GPRIN3: variants seen among roughly 807,000 people sequenced by gnomAD.
The protein encoded by GPRIN3 is G protein-regulated inducer of neurite outgrowth 3.
Under a neutral mutation model 13.7 loss-of-function variants are expected in GPRIN3, and 12 were observed. The ratio of observed to expected loss-of-function variants is 0.87; its 90% CI spans 0.56 to 1.42. The LOEUF is 1.42. Ranked by LOEUF, GPRIN3 falls within the 40% of genes most tolerant of loss-of-function variation. The pLI is 0.00. For missense variants in GPRIN3, 1,009 were observed against 958.7 expected (o/e 1.05, Z -0.69); for synonymous variants, 377 against 372.7 (o/e 1.01, Z -0.13).
At chr4:89,297,880 G>T (rs1043186114) in intron 1 of GPRIN3, among the ~76,000 whole-genome samples, 2 of 152,014 alleles carry the variant, frequency 1.3e-5, no homozygotes, top group Non-Finnish European at 2.9e-5. Flanking sequence ...CTAAAACAGC[G>T]GCCCTTAAGC....
intron 1 of GPRIN3, among the ~76,000 whole-genome samples, chr4:89,259,869 C>T (rs1019715730): frequency 1.3e-5 from 2 of 152,234 alleles, no homozygotes; most frequent in Non-Finnish European, 2.9e-5. Context: ...TTTTAGCTCA[C>T]ATCAGACACC....
intron 1 of GPRIN3, among the ~76,000 whole-genome samples, chr4:89,288,455 TA>T (rs1461702103): frequency 6.6e-6 from 1 of 152,234 alleles, no homozygotes; most frequent in East Asian, 1.9e-4. Context: ...TAAGTTTGCA[TA>T]AATGCAAACT....
At chr4:89,254,128 G>GTGTGTGTGTGTGT (rs1723403981) in intron 1 of GPRIN3, among the ~76,000 whole-genome samples, 3 of 147,750 alleles carry the variant, frequency 2.0e-5, no homozygotes, top group Non-Finnish European at 3.0e-5. Flanking sequence ...GTTGCATCTG[G>GTGTGTGTGTGTGT]GTGTGTGTGT....
In GPRIN3 at chr4:89,247,587, T is replaced by C. The variant is rs2149251771; in HGVS notation, c.*193A>G. On this transcript the variant is annotated 3_prime_UTR_variant, in exon 2 of 2. Transcript: ENST00000609438. ...CTTGTTTCTCTTTTCTTGTTCCTTC[T>C]TTCAAATTGAAATGACATTTTTGTT... 1.9e-6 allele frequency: 1 copy of C among 518,666 alleles called. No homozygotes were observed. Among genetic ancestry groups the C allele is most frequent in the East Asian group, 3.1e-5 (1 of 32,040 alleles). The allele number at this position is 518,666 out of a possible 1,614,324, so 32.1% of individuals were successfully genotyped here.
At chr4:89,285,323 T>C (rs567998148) in intron 1 of GPRIN3, among the ~76,000 whole-genome samples, 10 of 151,518 alleles carry the variant, frequency 6.6e-5, no homozygotes, top group Non-Finnish European at 1.5e-5. Context: ...GTTGTGCACA[T>C]GTACCCTAGA....
chr4:89,306,689 T>G (rs912487032), intron 1 of GPRIN3, among the ~76,000 whole-genome samples: 6 of 152,120 alleles, frequency 3.9e-5, no homozygotes, highest in African/African-American at 1.4e-4. Context: ...AGCCCTTGCC[T>G]TTTGCCCACC....
chr4:89,275,697 A>T (rs1417031879), intron 1 of GPRIN3, among the ~76,000 whole-genome samples: 2 of 152,194 alleles, frequency 1.3e-5, no homozygotes, highest in Non-Finnish European at 2.9e-5. Context: ...GCTGCCCAAG[A>T]AATGGTTGTG....
Position 89,248,209 on chromosome 4 carries a change from C to A in GPRIN3, c.1902G>T (p.Arg634Ser). 6.2e-7 allele frequency: 1 copy of A among 1,614,156 alleles called. No homozygotes were observed. The highest frequency in any genetic ancestry group is 1.1e-5 in the South Asian group (1 of 91,082). Residue 634 changes from arginine (R) to serine (S), a missense_variant, in exon 2 of 2, where the codon AGG becomes AGT. Arg to Ser is a moderately radical substitution (Grantham distance 110). Transcript: ENST00000609438. ...TGAGGAACTCGCTGACGCGGCTGGG[C>A]CTGCGTGGGCTGGCTTTGACGGAGC... ...PSRSVKASPR[R>S]PSRVSEFLKE...
intron 1 of GPRIN3, among the ~76,000 whole-genome samples, chr4:89,302,105 G>A (rs1347988757): frequency 6.6e-6 from 1 of 152,168 alleles, no homozygotes; most frequent in African/African-American, 2.4e-5. Flanking sequence ...TTTCTGCTAC[G>A]CTAGACCCTT....
In GPRIN3 at chr4:89,247,664, A is replaced by C; in HGVS notation, c.*116T>G. 3 of 1,016,406 alleles carry C rather than the reference A, an allele frequency of 3.0e-6. No individual in the cohort carries two copies. The highest frequency in any genetic ancestry group is 4.4e-6 in the Non-Finnish European group (3 of 689,432). 63.0% of individuals were successfully genotyped at this position (1,016,406 alleles called of 1,614,324 possible). A position where few individuals can be genotyped will look rare whatever the true frequency, so the allele number is the denominator to read the frequency against. On this transcript the variant is annotated 3_prime_UTR_variant, in exon 2 of 2. Coordinates refer to ENST00000609438, the MANE Select transcript of GPRIN3 (RefSeq NM_198281.3). ...ACAATTTTTAATAGCAATTTCCTAT[A>C]GTGAATACTTGCTTTTTCTTCCTAG...
rs1022482939 is a variant in GPRIN3 at position 89,307,777 on chromosome 4, G to C, written c.-286C>G. The C allele has an allele frequency of 2.0e-5, 3 of 152,290 alleles. No individual in the cohort carries two copies. Among genetic ancestry groups the C allele is most frequent in the African/African-American group, 7.2e-5 (3 of 41,444 alleles). The allele number at this position is 152,290 out of a possible 1,614,324, so 9.4% of individuals were successfully genotyped here. ...CCCGGTCCCGGAGCGAGCTCCGTGCGTTCAGGAACTGAAATTACTATGCCA... is the reference window on the plus strand; with the variant it reads ...CCCGGTCCCGGAGCGAGCTCCGTGCCTTCAGGAACTGAAATTACTATGCCA... On this transcript the variant is annotated 5_prime_UTR_variant, in exon 1 of 2. Coordinates refer to ENST00000609438, the MANE Select transcript of GPRIN3 (RefSeq NM_198281.3).
intron 1 of GPRIN3, among the ~76,000 whole-genome samples, chr4:89,307,295 A>ACC (rs1725059914): frequency 6.6e-6 from 1 of 150,436 alleles, no homozygotes; most frequent in South Asian, 2.1e-4. Flanking sequence ...ACACACACAC[A>ACC]CACCCCTCAT....
Position 89,250,176 on chromosome 4 carries a change from G to A in GPRIN3, c.-66C>T. On this transcript the variant is annotated 5_prime_UTR_variant, in exon 2 of 2. Transcript: ENST00000609438. ...CTGGTCCCACTGGTGGGGGAGGGGA[G>A]CGCAGTCAGAGCTCAGAGTGATGAC... is the stretch of plus-strand genomic sequence containing the variant. 11 of 1,539,688 alleles carry A rather than the reference G, an allele frequency of 7.1e-6. No individual in the cohort carries two copies. The highest frequency in any genetic ancestry group is 9.6e-6 in the Non-Finnish European group (11 of 1,143,546).
At position 89,238,180 on chromosome 4, in the gene GPRIN3, C is replaced by T. The variant is rs550020978; in HGVS notation, c.*9600G>A. The T allele has an allele frequency of 6.6e-6, 1 of 152,204 alleles. No homozygotes were observed. Among genetic ancestry groups the T allele is most frequent in the South Asian group, 2.1e-4 (1 of 4,820 alleles). The allele number at this position is 152,204 out of a possible 1,614,324, so 9.4% of individuals were successfully genotyped here. On this transcript the variant is annotated 3_prime_UTR_variant, in exon 2 of 2. Coordinates refer to ENST00000609438, the MANE Select transcript of GPRIN3 (RefSeq NM_198281.3). ...GCTCTTGGAAATTTTGAAGCAATCA[C>T]TGTTTAAAGTTCATGGGAAATTCAC...
chr4:89,263,700 C>A (rs1339827298), intron 1 of GPRIN3, among the ~76,000 whole-genome samples: 1 of 152,120 alleles, frequency 6.6e-6, no homozygotes, highest in Non-Finnish European at 1.5e-5. Flanking sequence ...TGTCATTTGT[C>A]AGATTCTGTG....
At chr4:89,285,206 G>C (rs1275057321) in intron 1 of GPRIN3, among the ~76,000 whole-genome samples, 2 of 151,820 alleles carry the variant, frequency 1.3e-5, no homozygotes, top group East Asian at 3.9e-4. Context: ...GGGTCGGTTG[G>C]GGGGTCAGGG....
intron 1 of GPRIN3, among the ~76,000 whole-genome samples, chr4:89,279,070 G>T (rs1352892597): frequency 6.6e-6 from 1 of 152,208 alleles, no homozygotes; most frequent in African/African-American, 2.4e-5. Context: ...TTTCACCAAG[G>T]CTGAGCACAG....
intron 1 of GPRIN3, among the ~76,000 whole-genome samples, chr4:89,256,231 T>G (rs1410103452): frequency 2.0e-5 from 3 of 152,014 alleles, no homozygotes; most frequent in Non-Finnish European, 4.4e-5. Context: ...TATCTATATA[T>G]CTATATATAT....
intron 1 of GPRIN3, among the ~76,000 whole-genome samples, chr4:89,296,254 TC>T (rs1254037952): frequency 6.6e-6 from 1 of 152,072 alleles, no homozygotes; most frequent in African/African-American, 2.4e-5. Context: ...CTGTCCATTT[TC>T]TTTTACTAGA....
Sources: allele counts gnomAD v4.1 joint callset (sites outside exome capture counted in the v4.1 genomes callset), GRCh38; gene constraint gnomAD v4.1.1; transcripts MANE v1.5; gene names NCBI Gene and HGNC (gene_info 2026-07-23, HGNC 2026-07-21).